GCLC: variants seen among roughly 807,000 people sequenced by gnomAD.
GCLC encodes glutamate--cysteine ligase catalytic subunit.
In GCLC, 30 loss-of-function variants were observed where a neutral mutation model predicts 81.5. The observed-to-expected ratio is 0.37, with a 90% CI of 0.28 to 0.50. GCLC has a LOEUF of 0.50. GCLC is among the 20% of genes least tolerant of loss of function. The pLI, the probability that GCLC is intolerant of heterozygous loss-of-function variation, is 0.96. For missense variants in GCLC, 556 were observed against 777.4 expected, an observed-to-expected ratio of 0.72 and a Z score of 3.39; for synonymous variants, 262 against 273.3, an observed-to-expected ratio of 0.96 and a Z score of 0.41.
intron 12 of GCLC, among the ~76,000 whole-genome samples, chr6:53,502,219 T>C (rs1764526914): frequency 6.6e-6 from 1 of 151,916 alleles, no homozygotes; most frequent in South Asian, 2.1e-4. Context: ...CCAAGCTTAT[T>C]AACCATGCCT....
chr6:53,502,287 A>G (rs1764528608), intron 12 of GCLC, among the ~76,000 whole-genome samples: 1 of 152,240 alleles, frequency 6.6e-6, no homozygotes, highest in Non-Finnish European at 1.5e-5. Flanking sequence ...GTTACTGAGT[A>G]ACATGCAAGG....
intron 1 of GCLC, 48 bp downstream of exon 1, chr6:53,544,448 G>T (rs765886879): frequency 2.5e-6 from 4 of 1,590,540 alleles, no homozygotes; most frequent in Middle Eastern, 1.7e-4. Context: ...GGCAGCGCGG[G>T]CGGCCAGACA....
In GCLC at chr6:53,500,318, C is replaced by A. The variant is rs762207362; in HGVS notation, c.1510G>T (p.Ala504Ser). The change falls in exon 14 of 16, where the codon GCC becomes TCC. Residue 504 changes from alanine (A) to serine (S), a missense_variant. Ala to Ser is a moderately conservative substitution (Grantham distance 99). Around this residue, in one of 3 missense-constraint regions of GCLC, gnomAD observed 313 missense variants for 437.3 expected, o/e 0.72. Coordinates refer to ENST00000650454, the MANE Select transcript of GCLC (RefSeq NM_001498.4). The part of the protein sequence containing the change: ...GNAVVDGCGK[A>S]QNSTELAAEE... ...GCAGCGAGCTCCGTGCTGTTCTGGG[C>A]CTTGCCACAACCATCCACCACTGCA... 6.2e-7 allele frequency: 1 copy of A among 1,614,196 alleles called. No homozygotes were observed.
intron 3 of GCLC, among the ~76,000 whole-genome samples, chr6:53,517,786 A>G (rs993051894): frequency 3.3e-5 from 5 of 152,294 alleles, no homozygotes; most frequent in East Asian, 1.9e-4. Flanking sequence ...GAAATGTTTA[A>G]TATCTCCACT....
At chr6:53,500,615 G>A (rs1223257777) in intron 12 of GCLC, 102 bp from the exon 13 acceptor site, 1 of 841,352 alleles carries the variant, frequency 1.2e-6, no homozygotes, top group East Asian at 2.4e-5. Context: ...ATTCCCTTAG[G>A]GATTCTACTT....
intron 1 of GCLC, among the ~76,000 whole-genome samples, chr6:53,529,591 T>C (rs925018006): frequency 6.6e-6 from 1 of 152,224 alleles, no homozygotes. Context: ...AGAAACAACA[T>C]TGTAAGTATG....
intron 1 of GCLC, among the ~76,000 whole-genome samples, chr6:53,542,751 C>T (rs1048969320): frequency 2.2e-4 from 34 of 151,484 alleles, no homozygotes; most frequent in Non-Finnish European, 4.0e-4. Flanking sequence ...CACATTGGCT[C>T]ATGCCTGTAA....
intron 2 of GCLC, 132 bp downstream of exon 2, chr6:53,522,283 C>T: frequency 2.9e-6 from 2 of 680,770 alleles, no homozygotes; most frequent in Non-Finnish European, 5.3e-6. Flanking sequence ...TGATTTGAAA[C>T]TATGGCAACC....
In GCLC at chr6:53,507,551, TTAGA is replaced by T. The variant is rs1764640339; in HGVS notation, c.1009_1012del (p.Lys338ValfsTer10). On this transcript the variant is annotated frameshift_variant, in exon 9 of 16. Transcript: ENST00000650454. LOFTEE classifies it high-confidence loss of function. ...GATGTCATTATATTTCTCACCACAC[TTAGA>T]TAAATAGCTGTCTATTGAGTCATAT... The T allele has an allele frequency of 6.3e-7, 1 of 1,589,044 alleles. No individual in the cohort carries two copies. Among genetic ancestry groups the T allele is most frequent in the Non-Finnish European group, 8.6e-7 (1 of 1,157,524 alleles).
rs577954758 is a variant in GCLC, at chr6:53,533,502, A to G, written c.151-10975T>C. On this transcript the variant is annotated intron_variant, in intron 1 of 15. Coordinates refer to ENST00000650454, the MANE Select transcript of GCLC (RefSeq NM_001498.4). ...ACATCAAATTTCTAGGAAATTAATT[A>G]AGATTACTTTTTCAGTTGATGGTAA... Among the ~76,000 whole-genome samples the G allele has an allele frequency of 2.0e-5, 3 of 152,318 alleles. No homozygotes were observed. In the East Asian group the frequency reaches 5.8e-4, roughly 29 times the overall value.
At chr6:53,508,538 A>T in intron 8 of GCLC, 57 bp downstream of exon 8, 2 of 1,020,742 alleles carry the variant, frequency 2.0e-6, no homozygotes, top group Non-Finnish European at 3.1e-6. Context: ...AGTAGTTACA[A>T]AAGATCCATT....
At chr6:53,508,465 A>C in intron 8 of GCLC, 130 bp downstream of exon 8, 3 of 759,426 alleles carry the variant, frequency 4.0e-6, no homozygotes. Context: ...TTAACTCCCC[A>C]CCTAGACCAA....
rs538452659 is a variant in GCLC at position 53,526,610 on chromosome 6, A to T, written c.151-4083T>A. On this transcript the variant is annotated intron_variant, in intron 1 of 15. Coordinates refer to ENST00000650454, the MANE Select transcript of GCLC (RefSeq NM_001498.4). ...TCAGGAGATCAAGACCATCCTGGCT[A>T]ACACGGTGAAGCCCCATCTCTACTA... is the stretch of plus-strand genomic sequence containing the variant. 3.3e-5 allele frequency among the ~76,000 whole-genome samples: 5 copies of T among 152,170 alleles called. No homozygotes were observed. The South Asian group carries it at 1.0e-3, about 32-fold the overall frequency.
intron 12 of GCLC, 127 bp from the exon 13 acceptor site, chr6:53,500,640 T>C (rs1764493309): frequency 2.7e-6 from 2 of 754,670 alleles, no homozygotes; most frequent in East Asian, 4.9e-5. Context: ...CTCAAATGCT[T>C]CCCAGTGGGA....
At chr6:53,524,794 A>C (rs1224566638) in intron 1 of GCLC, among the ~76,000 whole-genome samples, 1 of 152,226 alleles carries the variant, frequency 6.6e-6, no homozygotes, top group Non-Finnish European at 1.5e-5. Context: ...CAATTATATA[A>C]ACTAAGTTGC....
At chr6:53,516,521 G>C (rs947484269) in intron 3 of GCLC, among the ~76,000 whole-genome samples, 1 of 152,160 alleles carries the variant, frequency 6.6e-6, no homozygotes, top group Non-Finnish European at 1.5e-5. Flanking sequence ...TCATCTAATA[G>C]GAAGGACTGA....
intron 1 of GCLC, among the ~76,000 whole-genome samples, chr6:53,541,595 T>C (rs1260948287): frequency 5.3e-5 from 8 of 151,620 alleles, no homozygotes. Context: ...CAAAAGACAT[T>C]AATATGTTAG....
chr6:53,522,804 C>A, intron 1 of GCLC: 3 of 267,640 alleles, frequency 1.1e-5, no homozygotes, highest in Non-Finnish European at 2.2e-5. Context: ...AGCTGTACTT[C>A]AAAAAAAAGA....
intron 6 of GCLC, among the ~76,000 whole-genome samples, chr6:53,512,033 C>A (rs1764762151): frequency 6.6e-6 from 1 of 151,134 alleles, no homozygotes; most frequent in Non-Finnish European, 1.5e-5. Flanking sequence ...ACTGCAACCT[C>A]CGCCTCCCAG....
Sources: gnomAD v4.1 joint callset for allele counts (sites outside exome capture counted in the v4.1 genomes callset) on GRCh38, gnomAD v4.1.1 for gene constraint, gnomAD v4.1.1 regional missense constraint, MANE v1.5 for transcripts, NCBI Gene and HGNC (gene_info 2026-07-23, HGNC 2026-07-21) for gene names.